The following RASL12 variants were observed in gnomAD, a reference collection of about 807,000 sequenced individuals.
The protein encoded by RASL12 is ras-like protein family member 12.
Under a neutral mutation model 22.9 loss-of-function variants are expected in RASL12, and 16 were observed. That is an observed-to-expected ratio of 0.70 (90% CI 0.47 to 1.06). The LOEUF (loss-of-function observed/expected upper bound fraction) is 1.06. Ranked by LOEUF, RASL12 falls within the 50% of genes least tolerant of loss-of-function variation. RASL12 has a pLI of 0.00. For missense variants in RASL12, 306 were observed against 353.1 expected, an observed-to-expected ratio of 0.87 and a Z score of 1.07; for synonymous variants, 159 against 152.2, an observed-to-expected ratio of 1.04 and a Z score of -0.33.
At position 65,065,200 on chromosome 15, in the gene RASL12, G is replaced by A. The variant is rs370786396; in HGVS notation, c.160+17C>T. 1.1e-5 allele frequency: 18 copies of A among 1,610,542 alleles called. No homozygotes were observed. Among genetic ancestry groups the A allele is most frequent in the Middle Eastern group, 1.6e-4 (1 of 6,068 alleles). ...ATGGGGCACAGGCAGCAGAAGGTAC[G>A]GGGAGTAGTTTCTTACCCAAGTTGG... On this transcript the variant is annotated intron_variant, in intron 2 of 4. Transcript: ENST00000220062.
At chr15:65,047,421 C>G in the RASL12 span, among the ~76,000 whole-genome samples, 1 of 151,928 alleles carries the variant, frequency 6.6e-6, no homozygotes, top group Non-Finnish European at 1.5e-5. Flanking sequence ...ATGTATTGTT[C>G]TCATGAAAGC....
chr15:65,074,352 G>T (rs1471422916), intron 1 of RASL12, among the ~76,000 whole-genome samples: 1 of 152,110 alleles, frequency 6.6e-6, no homozygotes, highest in African/African-American at 2.4e-5. Flanking sequence ...ACTGTCCCAT[G>T]ACTGTGAAAT....
intron 1 of RASL12, 31 bp downstream of exon 1, chr15:65,067,702 T>G (rs748112954): frequency 1.3e-6 from 2 of 1,527,940 alleles, no homozygotes; most frequent in Non-Finnish European, 1.8e-6. Context: ...AGCTCCGCAC[T>G]TGGCGGCTCA....
At chr15:65,062,081 GA>G (rs921016046) in intron 2 of RASL12, among the ~76,000 whole-genome samples, 4 of 144,986 alleles carry the variant, frequency 2.8e-5, no homozygotes, top group African/African-American at 5.1e-5. Context: ...AAAAAAAAAA[GA>G]AATGGTGCCT....
At chr15:65,068,157 C>T, upstream of RASL12, 10 of 1,007,954 alleles carry the variant, frequency 9.9e-6, no homozygotes, top group Non-Finnish European at 1.2e-5. The surrounding 1 kb of genome is among the most constrained non-coding windows in gnomAD (Gnocchi z 4.2). Context: ...CCGGGCTGGG[C>T]CTCGAGGACC....
chr15:65,069,676 G>C (rs969010951), upstream of RASL12, among the ~76,000 whole-genome samples: 1 of 152,168 alleles, frequency 6.6e-6, no homozygotes, highest in Non-Finnish European at 1.5e-5. Flanking sequence ...CCATCTGACT[G>C]TCCATAGTTA....
upstream of RASL12, among the ~76,000 whole-genome samples, chr15:65,070,765 T>C (rs1217543455): frequency 6.6e-6 from 1 of 152,206 alleles, no homozygotes; most frequent in South Asian, 2.1e-4. Context: ...CGCGATGTGG[T>C]TGCCTCTTCT....
Position 65,053,532 on chromosome 15 carries a change from AG to A in RASL12, c.*1366del. The A allele has an allele frequency of 9.7e-7, 1 of 1,035,020 alleles. No homozygotes were observed. Among genetic ancestry groups the A allele is most frequent in the Non-Finnish European group, 1.2e-6 (1 of 861,432 alleles). The allele number at this position is 1,035,020 out of a possible 1,614,324, so 64.1% of individuals were successfully genotyped here. ...AAGCATGTGGTCTTGAGTAGTTCAC[AG>A]CCCCCCTCTGACCTCAGCTCCTCCA... On this transcript the variant is annotated 3_prime_UTR_variant, in exon 5 of 5. Transcript: ENST00000220062.
At chr15:65,052,878 C>A, downstream of RASL12, 2 of 1,224,440 alleles carry the variant, frequency 1.6e-6, no homozygotes, top group Non-Finnish European at 2.3e-6. Flanking sequence ...AGAGAATTTT[C>A]CCCTTAGACT....
intron 4 of RASL12, among the ~76,000 whole-genome samples, chr15:65,057,864 C>T (rs149518585): frequency 8.5e-5 from 13 of 152,266 alleles, no homozygotes; most frequent in South Asian, 6.2e-4. Context: ...CCCAAGAGCG[C>T]GGAAGGAGTG....
intron 1 of RASL12, among the ~76,000 whole-genome samples, chr15:65,076,269 A>G (rs1457290202): frequency 6.6e-6 from 1 of 152,144 alleles, no homozygotes; most frequent in Non-Finnish European, 1.5e-5. Context: ...TTGGGTCCAC[A>G]CTGCTTTTAT....
Position 65,053,883 on chromosome 15 carries a change from C to A in RASL12, c.*1016G>T. 7 of 985,868 alleles carry A rather than the reference C, an allele frequency of 7.1e-6. No individual in the cohort carries two copies. Among genetic ancestry groups the A allele is most frequent in the Non-Finnish European group, 8.4e-6 (7 of 829,954 alleles). 61.1% of individuals were successfully genotyped at this position (985,868 alleles called of 1,614,324 possible). On this transcript the variant is annotated 3_prime_UTR_variant, in exon 5 of 5. Transcript: ENST00000220062. ...TGTCTTGGTATAAGCTGCGGTGACACCACCAAATAACATAAGCAAAATTTT... is the reference window on the plus strand; with the variant it reads ...TGTCTTGGTATAAGCTGCGGTGACAACACCAAATAACATAAGCAAAATTTT...
At chr15:65,076,431 G>A (rs566859525) in intron 1 of RASL12, 114 of 543,734 alleles carry the variant, frequency 2.1e-4, no homozygotes, top group African/African-American at 3.5e-4. Flanking sequence ...CTGAGCCAGC[G>A]AGACCATGAA....
At chr15:65,058,871 C>G (rs1357309336) in intron 3 of RASL12, among the ~76,000 whole-genome samples, 1 of 152,268 alleles carries the variant, frequency 6.6e-6, no homozygotes, top group Non-Finnish European at 1.5e-5. Context: ...AAGACTCTGG[C>G]ATGGTCCCTA....
At chr15:65,074,677 A>G (rs2086952647) in intron 1 of RASL12, among the ~76,000 whole-genome samples, 1 of 152,214 alleles carries the variant, frequency 6.6e-6, no homozygotes, top group Non-Finnish European at 1.5e-5. Context: ...GATTACAGGA[A>G]TGAGCCACCG....
chr15:65,046,716 T>C, the RASL12 span, among the ~76,000 whole-genome samples: 1 of 152,092 alleles, frequency 6.6e-6, no homozygotes, highest in African/African-American at 2.4e-5. Context: ...AGTTCAAGGC[T>C]GGCCTGGGCA....
downstream of RASL12, chr15:65,051,733 G>T: frequency 1.3e-6 from 1 of 755,282 alleles, no homozygotes; most frequent in South Asian, 1.7e-5. Context: ...GCAAAATTCA[G>T]CCTTCAGTGT....
intron 3 of RASL12, 34 bp from the exon 4 acceptor site, chr15:65,058,651 AGAG>A: frequency 1.4e-6 from 2 of 1,461,346 alleles, no homozygotes; most frequent in South Asian, 2.9e-5. Flanking sequence ...GCCGGGGGGC[AGAG>A]GAGGTTGGGG....
upstream of RASL12, among the ~76,000 whole-genome samples, chr15:65,072,292 G>A (rs1450473845): frequency 6.6e-6 from 1 of 152,232 alleles, no homozygotes; most frequent in Non-Finnish European, 1.5e-5. Context: ...CAGGCCTCTG[G>A]CTTCCCAGGC....
Sources: allele counts gnomAD v4.1 joint callset (sites outside exome capture counted in the v4.1 genomes callset), GRCh38; gene constraint gnomAD v4.1.1; non-coding constraint Gnocchi (gnomAD v3.1); transcripts MANE v1.5; gene names NCBI Gene and HGNC (gene_info 2026-07-23, HGNC 2026-07-21).